Variants in OCA2 observed in about 807,000 individuals in gnomAD.
OCA2 encodes the protein P protein.
In OCA2, 77 loss-of-function variants were observed where a neutral mutation model predicts 100.2. The ratio of observed to expected loss-of-function variants is 0.77; its 90% CI spans 0.64 to 0.93. The LOEUF is 0.93. OCA2 is among the 40% of genes least tolerant of loss of function. The pLI, the probability that OCA2 is intolerant of heterozygous loss-of-function variation, is 0.00. For synonymous variants in OCA2, 432 were observed against 439.2 expected, an observed-to-expected ratio of 0.98 and a Z score of 0.21; for missense variants, 1,062 against 1,089.1, an observed-to-expected ratio of 0.98 and a Z score of 0.35.
intron 23 of OCA2, among the ~76,000 whole-genome samples, chr15:27,804,293 G>C (rs1185763270): frequency 1.3e-5 from 2 of 152,184 alleles, no homozygotes; most frequent in African/African-American, 4.8e-5. Context: ...AAAAATGAAC[G>C]TTGATATTTT....
At chr15:28,036,200 G>A (rs1369838890) in intron 2 of OCA2, among the ~76,000 whole-genome samples, 1 of 152,134 alleles carries the variant, frequency 6.6e-6, no homozygotes, top group Non-Finnish European at 1.5e-5. Context: ...TGGAAATTTA[G>A]GGGATTTCTG....
At chr15:28,066,414 G>T (rs549417452) in intron 2 of OCA2, among the ~76,000 whole-genome samples, 1 of 152,082 alleles carries the variant, frequency 6.6e-6, no homozygotes, top group African/African-American at 2.4e-5. Context: ...ATGGGAGAGG[G>T]GGGTGGGAGG....
Position 27,957,863 on chromosome 15 carries a change from G to T in OCA2, c.1637-128C>A. 1 of 1,092,450 alleles carries T rather than the reference G, an allele frequency of 9.2e-7. No individual in the cohort carries two copies. Among genetic ancestry groups the T allele is most frequent in the Non-Finnish European group, 1.4e-6 (1 of 734,730 alleles). The allele number at this position is 1,092,450 out of a possible 1,614,324, so 67.7% of individuals were successfully genotyped here. On this transcript the variant is annotated intron_variant, in intron 15 of 23. Transcript: ENST00000354638. This position sits in a 1 kb window ranked among gnomAD's most constrained non-coding sequence, Gnocchi z 4.3. ...CACTCGAGACGTGCAGGTAGCCCAG[G>T]GTCACCCAGAGCTTCTCAGCACCTG...
chr15:28,092,422 C>T (rs1454273120), intron 1 of OCA2, among the ~76,000 whole-genome samples: 1 of 152,158 alleles, frequency 6.6e-6, no homozygotes, highest in Non-Finnish European at 1.5e-5. Flanking sequence ...GTGGTGCAAT[C>T]ACGCCTCACT....
At chr15:27,988,557 G>A (rs997630107) in intron 11 of OCA2, among the ~76,000 whole-genome samples, 8 of 152,146 alleles carry the variant, frequency 5.3e-5, no homozygotes, top group African/African-American at 1.4e-4. Context: ...GGAGGCTCAG[G>A]AGAAAGCATG....
At position 28,092,995 on chromosome 15, in the gene OCA2, A is replaced by T. The variant is rs548153095; in HGVS notation, c.-22+6229T>A. On this transcript the variant is annotated intron_variant, in intron 1 of 23. Coordinates refer to ENST00000354638, the MANE Select transcript of OCA2 (RefSeq NM_000275.3). ...AACAATTTTCAAAATTCAAAAGTAAACAAAAAAAAAAGTAAAATGGGCAAA... is the reference window on the plus strand; with the variant it reads ...AACAATTTTCAAAATTCAAAAGTAATCAAAAAAAAAAGTAAAATGGGCAAA... Among the ~76,000 whole-genome samples, 4 of 152,188 alleles carry T rather than the reference A, an allele frequency of 2.6e-5. No individual in the cohort carries two copies. The East Asian group carries it at 5.8e-4, about 22-fold the overall frequency.
At chr15:27,832,057 C>T (rs1212677504) in intron 23 of OCA2, among the ~76,000 whole-genome samples, 2 of 152,072 alleles carry the variant, frequency 1.3e-5, no homozygotes, top group African/African-American at 4.8e-5. Context: ...CTTGCACACT[C>T]GCCTGCCAAT....
At chr15:28,010,149 C>A (rs2042200819) in intron 9 of OCA2, among the ~76,000 whole-genome samples, 1 of 151,714 alleles carries the variant, frequency 6.6e-6, no homozygotes, top group Admixed American at 6.6e-5. Context: ...AAACTCAACA[C>A]CCAATTATGG....
chr15:27,759,425 A>G (rs1032875584), intron 23 of OCA2, among the ~76,000 whole-genome samples: 1 of 152,206 alleles, frequency 6.6e-6, no homozygotes, highest in Non-Finnish European at 1.5e-5. Context: ...GAGTTTTTAA[A>G]TTATGTTTGA....
intron 23 of OCA2, among the ~76,000 whole-genome samples, chr15:27,770,626 C>T (rs115254184): frequency 0.017 from 2,518 of 152,236 alleles, 93 homozygotes; most frequent in African/African-American, 0.057. Flanking sequence ...ACCCACTTCC[C>T]TCCTCAGAAC....
intron 14 of OCA2, among the ~76,000 whole-genome samples, chr15:27,980,964 G>A (rs771564740): frequency 4.2e-4 from 64 of 152,176 alleles, no homozygotes; most frequent in Middle Eastern, 6.8e-3. Context: ...GCCTTTTTCC[G>A]TTCCCCTCTC....
At chr15:27,819,605 C>G (rs1016886936) in intron 23 of OCA2, among the ~76,000 whole-genome samples, 3 of 152,164 alleles carry the variant, frequency 2.0e-5, no homozygotes, top group Admixed American at 1.3e-4. Flanking sequence ...AGGGAGATTA[C>G]ACATGTGCAA....
chr15:27,763,907 G>A (rs2031042970), intron 23 of OCA2, among the ~76,000 whole-genome samples: 1 of 152,162 alleles, frequency 6.6e-6, no homozygotes, highest in African/African-American at 2.4e-5. Context: ...AGCTTCAGGA[G>A]AGCTGATCAC....
intron 9 of OCA2, among the ~76,000 whole-genome samples, chr15:28,003,903 G>C (rs998203528): frequency 1.3e-5 from 2 of 152,220 alleles, no homozygotes; most frequent in African/African-American, 4.8e-5. Flanking sequence ...CCTACGCCCC[G>C]AGCGGGGAAA....
At chr15:27,999,005 C>T (rs2041842112) in intron 9 of OCA2, among the ~76,000 whole-genome samples, 1 of 151,354 alleles carries the variant, frequency 6.6e-6, no homozygotes, top group East Asian at 1.9e-4. Context: ...ACAATGAGAA[C>T]ACATGGACAC....
chr15:27,871,582 G>T (rs1246529865), intron 20 of OCA2, among the ~76,000 whole-genome samples: 3 of 152,194 alleles, frequency 2.0e-5, no homozygotes, highest in Non-Finnish European at 4.4e-5. Context: ...GGGCTGGGGC[G>T]CCTGCAGCAC....
intron 11 of OCA2, among the ~76,000 whole-genome samples, chr15:27,987,978 A>G (rs896753485): frequency 6.6e-6 from 1 of 152,198 alleles, no homozygotes; most frequent in African/African-American, 2.4e-5. Context: ...GTGACCATCA[A>G]TGTTCATCCT....
chr15:27,811,067 C>T (rs1261013530), intron 23 of OCA2, among the ~76,000 whole-genome samples: 1 of 151,862 alleles, frequency 6.6e-6, no homozygotes, highest in Non-Finnish European at 1.5e-5. Flanking sequence ...AGACACCGTA[C>T]ATGCATGTTT....
intron 9 of OCA2, among the ~76,000 whole-genome samples, chr15:27,998,028 T>G (rs1595790506): frequency 7.0e-6 from 1 of 143,774 alleles, no homozygotes; most frequent in South Asian, 2.2e-4. Flanking sequence ...ACATTGATTT[T>G]GTATCCTGAG....
Sources: gnomAD v4.1 joint callset for allele counts (sites outside exome capture counted in the v4.1 genomes callset) on GRCh38, gnomAD v4.1.1 for gene constraint, Gnocchi (gnomAD v3.1) non-coding constraint, MANE v1.5 for transcripts, NCBI Gene and HGNC (gene_info 2026-07-23, HGNC 2026-07-21) for gene names.